Variants in PPARGC1A observed in about 807,000 individuals in gnomAD.
PPARGC1A encodes PPARG coactivator 1 alpha.
In PPARGC1A, 25 loss-of-function variants were observed where a neutral mutation model predicts 88.7. The observed-to-expected ratio is 0.28, with a 90% CI of 0.21 to 0.39. PPARGC1A has a LOEUF of 0.39. PPARGC1A is among the 10% of genes least tolerant of loss of function. PPARGC1A has a pLI of 1.00. For missense variants in PPARGC1A, 880 were observed against 968.7 expected, an observed-to-expected ratio of 0.91 and a Z score of 1.22; for synonymous variants, 363 against 355.6, an observed-to-expected ratio of 1.02 and a Z score of -0.24.
chr4:24,174,058 G>T, the PPARGC1A span, among the ~76,000 whole-genome samples: 1 of 152,338 alleles, frequency 6.6e-6, no homozygotes, highest in Admixed American at 6.5e-5. Context: ...AAGAAAGGCA[G>T]CTGAGCCACG....
At chr4:23,834,643 C>CT (rs1254989032) in intron 2 of PPARGC1A, among the ~76,000 whole-genome samples, 2 of 152,274 alleles carry the variant, frequency 1.3e-5, no homozygotes, top group South Asian at 2.1e-4. Context: ...ATTGAATACC[C>CT]TCAGGCCCTC....
At chr4:23,999,274 C>G in the PPARGC1A span, among the ~76,000 whole-genome samples, 6 of 152,180 alleles carry the variant, frequency 3.9e-5, no homozygotes, top group African/African-American at 1.4e-4. Flanking sequence ...CTACCAGTAT[C>G]TAAGGAGTCT....
chr4:24,305,206 G>A, the PPARGC1A span, among the ~76,000 whole-genome samples: 1 of 146,546 alleles, frequency 6.8e-6, no homozygotes, highest in African/African-American at 2.5e-5. Context: ...CAAAGTCGTG[G>A]TTTTTTTGCC....
At chr4:24,092,472 C>G in the PPARGC1A span, among the ~76,000 whole-genome samples, 2 of 152,054 alleles carry the variant, frequency 1.3e-5, no homozygotes, top group Non-Finnish European at 2.9e-5. Flanking sequence ...CAGATGCACC[C>G]AGGATTAGAA....
the PPARGC1A span, among the ~76,000 whole-genome samples, chr4:24,108,322 A>G: frequency 5.9e-5 from 9 of 152,276 alleles, no homozygotes; most frequent in African/African-American, 2.2e-4. Context: ...TCCTAGCTGA[A>G]TTTCACTGGG....
chr4:24,090,879 G>C, the PPARGC1A span, among the ~76,000 whole-genome samples: 3 of 152,198 alleles, frequency 2.0e-5, no homozygotes, highest in African/African-American at 4.8e-5. Flanking sequence ...GTATTGTAAC[G>C]TATAAACATT....
At chr4:23,929,962 A>G in the PPARGC1A span, among the ~76,000 whole-genome samples, 4 of 152,274 alleles carry the variant, frequency 2.6e-5, no homozygotes, top group East Asian at 7.7e-4. Context: ...CCATAAACTC[A>G]CCAAGGAAAT....
At chr4:23,913,500 A>T in the PPARGC1A span, among the ~76,000 whole-genome samples, 1 of 151,920 alleles carries the variant, frequency 6.6e-6, no homozygotes. Flanking sequence ...TAGTAGAACA[A>T]CTGGTGAAAT....
Position 23,795,306 on chromosome 4 carries a change from TA to T in PPARGC1A, c.*515del, listed in dbSNP as rs1717336959. The T allele has an allele frequency of 9.2e-6, 1 of 109,258 alleles. No individual in the cohort carries two copies. Among genetic ancestry groups the T allele is most frequent in the African/African-American group, 3.7e-5 (1 of 27,030 alleles). 6.8% of individuals were successfully genotyped at this position (109,258 alleles called of 1,614,324 possible). A position where few individuals can be genotyped will look rare whatever the true frequency, so the allele number is the denominator to read the frequency against. Reference sequence around the variant, plus strand: ...CCTTTTTAATTTATATATATATATATATATATATATATATATATATATATTT... The same window carrying T: ...CCTTTTTAATTTATATATATATATATTATATATATATATATATATATATTT... On this transcript the variant is annotated 3_prime_UTR_variant, in exon 13 of 13. Transcript: ENST00000264867.
chr4:23,860,560 T>G (rs902096828), intron 2 of PPARGC1A, among the ~76,000 whole-genome samples: 1 of 152,198 alleles, frequency 6.6e-6, no homozygotes, highest in African/African-American at 2.4e-5. Context: ...AAACATAATG[T>G]TCTATATCTT....
At chr4:24,312,224 C>A in the PPARGC1A span, among the ~76,000 whole-genome samples, 6 of 152,208 alleles carry the variant, frequency 3.9e-5, no homozygotes, top group Admixed American at 2.0e-4. Context: ...GACCACCAAA[C>A]TCTGTTTCTG....
the PPARGC1A span, among the ~76,000 whole-genome samples, chr4:24,354,017 C>T: frequency 6.6e-6 from 1 of 152,156 alleles, no homozygotes; most frequent in Non-Finnish European, 1.5e-5. Flanking sequence ...AGAAGTCTGC[C>T]GCGGTCTCAC....
chr4:24,052,242 C>T, the PPARGC1A span, among the ~76,000 whole-genome samples: 1 of 152,078 alleles, frequency 6.6e-6, no homozygotes, highest in East Asian at 1.9e-4. Context: ...ACAATGAATA[C>T]ACGTAAGAAT....
the PPARGC1A span, among the ~76,000 whole-genome samples, chr4:23,955,384 C>G: frequency 5.9e-5 from 9 of 152,094 alleles, no homozygotes; most frequent in South Asian, 1.9e-3. Flanking sequence ...ATTATGATGG[C>G]ATAAAAATAT....
the PPARGC1A span, among the ~76,000 whole-genome samples, chr4:24,135,041 C>T: frequency 5.9e-5 from 9 of 152,330 alleles, no homozygotes; most frequent in East Asian, 1.9e-4. Context: ...GTGGCCCCTT[C>T]GCTACCATGT....
chr4:24,070,264 A>C, the PPARGC1A span, among the ~76,000 whole-genome samples: 2 of 152,214 alleles, frequency 1.3e-5, no homozygotes, highest in East Asian at 3.9e-4. Context: ...TCCTTCTGAC[A>C]TATGAGAGGA....
the PPARGC1A span, among the ~76,000 whole-genome samples, chr4:24,181,211 T>C: frequency 4.6e-5 from 7 of 152,348 alleles, no homozygotes; most frequent in South Asian, 1.5e-3. Context: ...CCAGGAAGTA[T>C]TGACTAATGA....
At chr4:24,063,974 A>G in the PPARGC1A span, among the ~76,000 whole-genome samples, 1 of 152,232 alleles carries the variant, frequency 6.6e-6, no homozygotes, top group Non-Finnish European at 1.5e-5. Flanking sequence ...CATGCTACTC[A>G]GCAGGGAATC....
At chr4:24,144,383 C>A in the PPARGC1A span, among the ~76,000 whole-genome samples, 1 of 152,034 alleles carries the variant, frequency 6.6e-6, no homozygotes, top group African/African-American at 2.4e-5. Context: ...ATACATAGGT[C>A]TGAGATTAAA....
Sources: allele counts gnomAD v4.1 joint callset (sites outside exome capture counted in the v4.1 genomes callset), GRCh38; gene constraint gnomAD v4.1.1; transcripts MANE v1.5; gene names NCBI Gene and HGNC (gene_info 2026-07-23, HGNC 2026-07-21).